The following AK8 variants were observed in gnomAD, a reference collection of about 807,000 sequenced individuals.
The protein encoded by AK8 is adenylate kinase 8, also known as ATP-AMP transphosphorylase 8.
A neutral mutation model predicts 54.6 loss-of-function variants in AK8; 44 were observed. The observed-to-expected ratio is 0.81, with a 90% CI of 0.63 to 1.04. AK8 has a LOEUF of 1.04. AK8 is among the 50% of genes least tolerant of loss of function. The pLI, the probability that AK8 is intolerant of heterozygous loss-of-function variation, is 0.00. For synonymous variants in AK8, 239 were observed against 245.6 expected (o/e 0.97, Z 0.25); for missense variants, 555 against 613.6 (o/e 0.90, Z 1.01).
chr9:132,776,735 G>C (rs1839238668), intron 11 of AK8, among the ~76,000 whole-genome samples: 1 of 152,080 alleles, frequency 6.6e-6, no homozygotes, highest in Non-Finnish European at 1.5e-5. Context: ...GTTAGGACAG[G>C]CCAGTGCCTT....
chr9:132,789,737 T>C (rs1839869239), intron 11 of AK8, among the ~76,000 whole-genome samples: 2 of 152,124 alleles, frequency 1.3e-5, no homozygotes, highest in Non-Finnish European at 2.9e-5. Context: ...AGAGCTGTAG[T>C]TCTCACCTGG....
At chr9:132,873,986 G>C (rs1020136214) in intron 2 of AK8, among the ~76,000 whole-genome samples, 7 of 152,316 alleles carry the variant, frequency 4.6e-5, no homozygotes, top group Admixed American at 2.6e-4. Context: ...AGGTGGGTTT[G>C]GGGAGAAGGC....
Position 132,826,713 on chromosome 9 carries a change from G to T in AK8, c.757+141C>A. 1.0e-6 allele frequency: 1 copy of T among 978,698 alleles called. No homozygotes were observed. Among genetic ancestry groups the T allele is most frequent in the Non-Finnish European group, 1.5e-6 (1 of 664,182 alleles). The allele number at this position is 978,698 out of a possible 1,614,324, so 60.6% of individuals were successfully genotyped here. A position where few individuals can be genotyped will look rare whatever the true frequency, so the allele number is the denominator to read the frequency against. On this transcript the variant is annotated intron_variant, in intron 8 of 12. Coordinates refer to ENST00000298545, the MANE Select transcript of AK8 (RefSeq NM_152572.3). The surrounding 1 kb of genome is among the most constrained non-coding windows in gnomAD (Gnocchi z 4.5). Reference sequence around the variant, plus strand: ...ATGCATTTCTGGGCAGGGAACCCGGGTCATCTATGTCTTGACTTCCAGGGT... The same window carrying T: ...ATGCATTTCTGGGCAGGGAACCCGGTTCATCTATGTCTTGACTTCCAGGGT...
At chr9:132,865,476 A>G (rs556102944) in intron 3 of AK8, among the ~76,000 whole-genome samples, 1 of 152,338 alleles carries the variant, frequency 6.6e-6, no homozygotes, top group Admixed American at 6.5e-5. Context: ...TTAAAAGGTA[A>G]AAAAGGTCCC....
intron 11 of AK8, among the ~76,000 whole-genome samples, chr9:132,730,843 G>A (rs1022502401): frequency 6.6e-6 from 1 of 152,190 alleles, no homozygotes; most frequent in Admixed American, 6.5e-5. Flanking sequence ...TTATGAATCT[G>A]AGCCAAAACC....
chr9:132,852,626 T>A (rs1588214296), intron 5 of AK8, among the ~76,000 whole-genome samples: 1 of 139,690 alleles, frequency 7.2e-6, no homozygotes, highest in Non-Finnish European at 1.6e-5. Context: ...AAAAAAAAAT[T>A]AGGCACGGTG....
chr9:132,796,867 AAGCCCTTGCTCATGGAGCCC>A (rs544094957), intron 10 of AK8, among the ~76,000 whole-genome samples: 2,365 of 151,778 alleles, frequency 0.016, 29 homozygotes, highest in Middle Eastern at 0.041. Flanking sequence ...AATCGGACTC[AAGCCCTTGCTCATGGAGCCC>A]AGGGTGGTGG....
At chr9:132,796,064 C>T (rs1229744554) in intron 10 of AK8, among the ~76,000 whole-genome samples, 1 of 152,190 alleles carries the variant, frequency 6.6e-6, no homozygotes, top group Admixed American at 6.5e-5. Flanking sequence ...TCCCATTGAC[C>T]TCTTGTTTCA....
intron 9 of AK8, 97 bp from the exon 10 acceptor site, chr9:132,814,824 A>G (rs778385069): frequency 1.7e-5 from 17 of 1,027,918 alleles, no homozygotes; most frequent in South Asian, 4.9e-5. Flanking sequence ...GAGGGAAAAA[A>G]AAAAGGTCAC....
At chr9:132,815,073 G>A (rs1841264192) in intron 9 of AK8, among the ~76,000 whole-genome samples, 1 of 152,250 alleles carries the variant, frequency 6.6e-6, no homozygotes, top group Non-Finnish European at 1.5e-5. Context: ...GCGCCCTCCA[G>A]GGTGCTGCGG....
chr9:132,843,034 C>T lies in AK8; in HGVS notation c.402+11823G>A, dbSNP rs187627146. ...CTCACCTTTGCCACATTCAGCTGGT[C>T]CTGCCCCCACTCAAGGGGAGGGGAT... On this transcript the variant is annotated intron_variant, in intron 5 of 12. Coordinates refer to ENST00000298545, the MANE Select transcript of AK8 (RefSeq NM_152572.3). Among the ~76,000 whole-genome samples the T allele has an allele frequency of 2.1e-3, 316 of 152,308 alleles. 3 individuals carry two copies. The highest frequency in any genetic ancestry group is 6.9e-3 in the African/African-American group (285 of 41,550).
chr9:132,731,233 C>T (rs951897190), intron 11 of AK8, among the ~76,000 whole-genome samples: 1 of 152,236 alleles, frequency 6.6e-6, no homozygotes, highest in Admixed American at 6.5e-5. Flanking sequence ...AGTGCCCAGG[C>T]TAGCTGCATC....
At chr9:132,788,421 A>G (rs909119270) in intron 11 of AK8, among the ~76,000 whole-genome samples, 6 of 152,204 alleles carry the variant, frequency 3.9e-5, no homozygotes, top group African/African-American at 1.4e-4. Flanking sequence ...TTGAGGAGGA[A>G]AGTTAGAATA....
At chr9:132,797,059 C>T (rs1201508406) in intron 10 of AK8, among the ~76,000 whole-genome samples, 1 of 152,180 alleles carries the variant, frequency 6.6e-6, no homozygotes, top group Non-Finnish European at 1.5e-5. Flanking sequence ...TGAGCCAAAA[C>T]CCAAACAAAC....
chr9:132,854,988 A>T, intron 4 of AK8, 63 bp from the exon 5 acceptor site: 1 of 1,549,100 alleles, frequency 6.5e-7, no homozygotes, highest in Non-Finnish European at 8.9e-7. Flanking sequence ...CAGGACACAG[A>T]CCAGCACACA....
intron 10 of AK8, among the ~76,000 whole-genome samples, chr9:132,808,323 C>T (rs960805005): frequency 6.6e-5 from 10 of 152,178 alleles, no homozygotes; most frequent in African/African-American, 9.6e-5. Context: ...CAAGTCAGAA[C>T]GAGTTTAGGG....
At chr9:132,835,406 T>C (rs537635138) in intron 5 of AK8, among the ~76,000 whole-genome samples, 17 of 152,328 alleles carry the variant, frequency 1.1e-4, no homozygotes, top group African/African-American at 3.6e-4. Context: ...TAATGTGCTT[T>C]AGATGAAAGT....
At chr9:132,811,260 G>C (rs1008188716) in intron 10 of AK8, among the ~76,000 whole-genome samples, 2 of 152,212 alleles carry the variant, frequency 1.3e-5, no homozygotes, top group Admixed American at 1.3e-4. Flanking sequence ...CTCTGCAAAG[G>C]GGACTAAATT....
At chr9:132,866,795 A>AGAAGAAAAGCTCAGT in intron 3 of AK8, 109 bp downstream of exon 3, 1 of 1,075,936 alleles carries the variant, frequency 9.3e-7, no homozygotes, top group African/African-American at 1.8e-5. Flanking sequence ...GAGAAGGAAA[A>AGAAGAAAAGCTCAGT]GAAGAAAAGC....
Sources: allele counts gnomAD v4.1 joint callset (sites outside exome capture counted in the v4.1 genomes callset), GRCh38; gene constraint gnomAD v4.1.1; non-coding constraint Gnocchi (gnomAD v3.1); transcripts MANE v1.5; gene names NCBI Gene and HGNC (gene_info 2026-07-23, HGNC 2026-07-21).